Variants in SIGLEC1 observed in about 807,000 individuals in gnomAD.
SIGLEC1 encodes the protein sialoadhesin.
A neutral mutation model predicts 148.0 loss-of-function variants in SIGLEC1; 132 were observed. That is an observed-to-expected ratio of 0.89 (90% CI 0.77 to 1.03). The LOEUF (loss-of-function observed/expected upper bound fraction) is 1.03. Ranked by LOEUF, SIGLEC1 falls within the 50% of genes least tolerant of loss-of-function variation. The probability of loss-of-function intolerance (pLI) is 0.00; values close to 1 mark genes in which losing one functional copy is unlikely to be tolerated. For missense variants in SIGLEC1, 2,253 were observed against 2,271.4 expected, an observed-to-expected ratio of 0.99 and a Z score of 0.16; for synonymous variants, 945 against 969.0, an observed-to-expected ratio of 0.98 and a Z score of 0.46.
chr20:3,706,578 A>G lies in SIGLEC1; in HGVS notation c.178T>C (p.Tyr60His). 6.2e-7 allele frequency: 1 copy of G among 1,612,514 alleles called. No individual in the cohort carries two copies. The highest frequency in any genetic ancestry group is 8.5e-7 in the Non-Finnish European group (1 of 1,179,716). ...EVPDGITAIW[Y>H]YDYSGQRQVV... ...TGCCGCTGGCCCGAGTAGTCGTAGT[A>G]CCAGATGGCCGTGATGCCGTCGGGC... The change falls in exon 3 of 22, where the codon TAC (tyrosine) becomes CAC (histidine). Residue 60 changes from tyrosine to histidine, a missense_variant. Coordinates refer to ENST00000344754, the MANE Select transcript of SIGLEC1 (RefSeq NM_023068.4).
Position 3,697,873 on chromosome 20 carries a change from C to T in SIGLEC1, c.2047G>A (p.Glu683Lys), listed in dbSNP as rs755549667. The T allele has an allele frequency of 2.6e-5, 42 of 1,613,052 alleles. No homozygotes were observed. The highest frequency in any genetic ancestry group is 2.4e-4 in the South Asian group (22 of 91,084). The change falls in exon 9 of 22, where the codon GAG becomes AAG. Residue 683 changes from glutamate (E) to lysine (K), a missense_variant. Coordinates refer to ENST00000344754, the MANE Select transcript of SIGLEC1 (RefSeq NM_023068.4). Reference sequence around the variant, plus strand: ...GCCTCACAGAGGTACAAGCCCTCCTCTTCCAGCAAAGGGTTGTGAATCTCC... The same window carrying T: ...GCCTCACAGAGGTACAAGCCCTCCTTTTCCAGCAAAGGGTTGTGAATCTCC... ...RVEIHNPLLE[E>K]EGLYLCEASN...
chr20:3,706,337 C>A lies in SIGLEC1; in HGVS notation c.409+10G>T. 3 of 1,598,328 alleles carry A rather than the reference C, an allele frequency of 1.9e-6. No homozygotes were observed. Among genetic ancestry groups the A allele is most frequent in the Non-Finnish European group, 2.6e-6 (3 of 1,170,570 alleles). ...CTCCCGGGGGGCAGCCAGGCCACCC[C>A]ACTTATCACCTGTTACTGTGACCAA... is the stretch of plus-strand genomic sequence containing the variant. On this transcript the variant is annotated intron_variant, in intron 3 of 21. Transcript: ENST00000344754.
chr20:3,702,025 A>G (rs775557089), intron 6 of SIGLEC1, among the ~76,000 whole-genome samples: 6 of 152,178 alleles, frequency 3.9e-5, no homozygotes, highest in Non-Finnish European at 7.3e-5. Flanking sequence ...CTTCCCACCC[A>G]GAGGGCATGG....
At position 3,704,036 on chromosome 20, in the gene SIGLEC1, T is replaced by C. The variant is rs778876277; in HGVS notation, c.762A>G (p.Pro254=). 70 of 1,613,590 alleles carry C rather than the reference T, an allele frequency of 4.3e-5. No individual in the cohort carries two copies. The highest frequency in any genetic ancestry group is 5.3e-5 in the Non-Finnish European group (62 of 1,179,866). The change falls in exon 5 of 22, where the codon CCA becomes CCG. Residue 254 remains proline, a synonymous_variant. Coordinates refer to ENST00000344754, the MANE Select transcript of SIGLEC1 (RefSeq NM_023068.4). The part of the protein sequence containing the change: ...LLSPSGRNIL[P]GELVTLTCQV... ...GGCAGGTGAGTGTGACCAGCTCACCTGGAAGGATGTTCCTCCCCGAGGGGC... is the reference window on the plus strand; with the variant it reads ...GGCAGGTGAGTGTGACCAGCTCACCCGGAAGGATGTTCCTCCCCGAGGGGC...
At chr20:3,700,764 T>G (rs974794446) in intron 7 of SIGLEC1, among the ~76,000 whole-genome samples, 1 of 150,292 alleles carries the variant, frequency 6.7e-6, no homozygotes, top group Non-Finnish European at 1.5e-5. Context: ...GCAGTGGCGC[T>G]ATCTTGGCCC....
At chr20:3,697,016 G>A (rs942635895) in intron 10 of SIGLEC1, 69 bp downstream of exon 10, 54 of 1,417,110 alleles carry the variant, frequency 3.8e-5, no homozygotes, top group Non-Finnish European at 4.6e-5. Flanking sequence ...ACCCCAGCCC[G>A]GCCCCTGCTT....
chr20:3,706,177 A>G, intron 3 of SIGLEC1, 137 bp from the exon 4 acceptor site: 2 of 1,275,178 alleles, frequency 1.6e-6, no homozygotes, highest in South Asian at 1.4e-5. Flanking sequence ...CTCCAGCCCC[A>G]CTTGGGTGAA....
At position 3,700,199 on chromosome 20, in the gene SIGLEC1, C is replaced by T. The variant is rs767941344; in HGVS notation, c.1529-740G>A. Among the ~76,000 whole-genome samples, 80 of 144,430 alleles carry T rather than the reference C, an allele frequency of 5.5e-4. 1 individual carries two copies. The highest frequency in any genetic ancestry group is 4.7e-3 in the South Asian group (21 of 4,478). The allele number at this position is 144,430 out of a possible 152,430, so 94.8% of individuals were successfully genotyped here. Reference sequence around the variant, plus strand: ...GTGGCGCAATCTCAGCTCGCTACAACCTCTGCCTCCCAGGTTCAAGCAATT... The same window carrying T: ...GTGGCGCAATCTCAGCTCGCTACAATCTCTGCCTCCCAGGTTCAAGCAATT... On this transcript the variant is annotated intron_variant, in intron 7 of 21. Coordinates refer to ENST00000344754, the MANE Select transcript of SIGLEC1 (RefSeq NM_023068.4).
intron 1 of SIGLEC1, among the ~76,000 whole-genome samples, chr20:3,707,668 G>A (rs1009746838): frequency 2.0e-5 from 3 of 152,138 alleles, no homozygotes; most frequent in South Asian, 2.1e-4. Context: ...TGAACTTGCC[G>A]AAGTGCTGCC....
intron 11 of SIGLEC1, 22 bp downstream of exon 11, chr20:3,696,564 T>C: frequency 6.3e-7 from 1 of 1,582,402 alleles, no homozygotes; most frequent in Non-Finnish European, 8.6e-7. Flanking sequence ...GTCTACCATA[T>C]CTTCAGAAGA....
Position 3,694,412 on chromosome 20 carries a change from C to A in SIGLEC1, c.3065G>T (p.Arg1022Leu). 6.2e-7 allele frequency: 1 copy of A among 1,612,786 alleles called. No homozygotes were observed. The highest frequency in any genetic ancestry group is 1.1e-5 in the South Asian group (1 of 91,072). ...PAQLRLLHGD[R>L]LVASTLQGVG... ...ACCTTGTAGGGTGGAGGCCACAAGG[C>A]GATCCCCGTGGAGCAGCCGCAGCTG... The change falls in exon 13 of 22, where the codon CGC (arginine) becomes CTC (leucine). Residue 1022 changes from arginine to leucine, a missense_variant. Arg to Leu is a moderately radical substitution (Grantham distance 102, BLOSUM62 -2). Coordinates refer to ENST00000344754, the MANE Select transcript of SIGLEC1 (RefSeq NM_023068.4).
chr20:3,704,234 G>A, intron 4 of SIGLEC1, 143 bp from the exon 5 acceptor site: 1 of 781,146 alleles, frequency 1.3e-6, no homozygotes, highest in Non-Finnish European at 2.0e-6. Flanking sequence ...CTCACCCAGG[G>A]CATGCTCTGT....
Position 3,692,183 on chromosome 20 carries a change from G to A in SIGLEC1, c.4050C>T (p.Val1350=). Residue 1350 remains valine (V), a synonymous_variant, in exon 17 of 22, where the codon GTC becomes GTT. Coordinates refer to ENST00000344754, the MANE Select transcript of SIGLEC1 (RefSeq NM_023068.4). ...LQVLYAPQDA[V]LSSFRDSRAR... is the part of the protein sequence containing the mutation. ...CCCTGGAGTCCCGGAAGGAGGACAG[G>A]ACAGCGTCCTGAGGGGCATCTGTGG... 5 of 1,565,892 alleles carry A rather than the reference G, an allele frequency of 3.2e-6. No homozygotes were observed. The highest frequency in any genetic ancestry group is 4.3e-6 in the Non-Finnish European group (5 of 1,154,084).
At chr20:3,691,027 C>T (rs2088754675) in intron 18 of SIGLEC1, among the ~76,000 whole-genome samples, 2 of 151,892 alleles carry the variant, frequency 1.3e-5, no homozygotes, top group African/African-American at 4.8e-5. Flanking sequence ...GACGGAGTTT[C>T]GCCATATTGA....
At chr20:3,693,173 C>T (rs775825933) in intron 14 of SIGLEC1, 42 bp from the exon 15 acceptor site, 2 of 1,503,524 alleles carry the variant, frequency 1.3e-6, no homozygotes, top group African/African-American at 1.4e-5. Flanking sequence ...CAGGCAGCAG[C>T]CTGCAGGAGG....
chr20:3,693,830 A>T, intron 13 of SIGLEC1, 132 bp from the exon 14 acceptor site: 1 of 947,846 alleles, frequency 1.1e-6, no homozygotes, highest in Non-Finnish European at 1.5e-6. Flanking sequence ...TGGGTGGCCC[A>T]CCTATAAATG....
intron 4 of SIGLEC1, 49 bp from the exon 5 acceptor site, chr20:3,704,140 A>G: frequency 1.9e-6 from 3 of 1,543,840 alleles, no homozygotes; most frequent in Non-Finnish European, 1.8e-6. Flanking sequence ...GGGAGGGCAG[A>G]GGATGGCACA....
At chr20:3,707,365 C>T (rs973474863) in intron 1 of SIGLEC1, among the ~76,000 whole-genome samples, 128 bp from the exon 2 acceptor site, 7 of 152,164 alleles carry the variant, frequency 4.6e-5, no homozygotes, top group Non-Finnish European at 1.0e-4. Flanking sequence ...TCAGGCTGTG[C>T]CCAGGAATGC....
Position 3,697,397 on chromosome 20 carries a change from G to A in SIGLEC1, c.2123-55C>T, listed in dbSNP as rs1296047620. 35 of 1,604,276 alleles carry A rather than the reference G, an allele frequency of 2.2e-5. 1 individual carries two copies. The South Asian group carries it at 3.0e-4, about 14-fold the overall frequency. ...CACCCCCGGCCCCCAGGAGCCAGGG[G>A]TCCAGCCGCCCAGCCTGGAAGGAGC... On this transcript the variant is annotated intron_variant, in intron 9 of 21. Transcript: ENST00000344754.
Sources: gnomAD v4.1 joint callset for allele counts (sites outside exome capture counted in the v4.1 genomes callset) on GRCh38, gnomAD v4.1.1 for gene constraint, MANE v1.5 for transcripts, NCBI Gene and HGNC (gene_info 2026-07-23, HGNC 2026-07-21) for gene names.